ZKSCAN5: variants seen among roughly 807,000 people sequenced by gnomAD.
ZKSCAN5 encodes the protein zinc finger with KRAB and SCAN domains 5, also known as zinc finger protein with KRAB and SCAN domains 5.
ZKSCAN5 carries 28 observed loss-of-function variants against 60.0 expected under a neutral mutation model. That is an observed-to-expected ratio of 0.47 (90% CI 0.35 to 0.64). The LOEUF is 0.64. Among genes scored for constraint, ZKSCAN5 ranks in the 30% least tolerant of loss-of-function variants. The pLI, the probability that ZKSCAN5 is intolerant of heterozygous loss-of-function variation, is 0.01. For missense variants in ZKSCAN5, 881 were observed against 1,034.6 expected (o/e 0.85, Z 2.04); for synonymous variants, 361 against 371.2 (o/e 0.97, Z 0.31).
At chr7:99,525,487 ACG>A (rs1222061198) in intron 5 of ZKSCAN5, among the ~76,000 whole-genome samples, 2 of 151,812 alleles carry the variant, frequency 1.3e-5, no homozygotes, top group Admixed American at 6.6e-5. Context: ...ACACACATAC[ACG>A]CGCGCGCGCA....
chr7:99,532,451 T>A lies in ZKSCAN5; in HGVS notation c.*202T>A, dbSNP rs2151121385. On this transcript the variant is annotated 3_prime_UTR_variant, in exon 7 of 7. Coordinates refer to ENST00000326775, the MANE Select transcript of ZKSCAN5 (RefSeq NM_145102.4). Reference sequence around the variant, plus strand: ...TTCGTGTTCCCCATTGAGAAATGCTTTAGTTAGCATCTTCATGCTTGGAAA... The same window carrying A: ...TTCGTGTTCCCCATTGAGAAATGCTATAGTTAGCATCTTCATGCTTGGAAA... 2.2e-6 allele frequency: 1 copy of A among 449,900 alleles called. No homozygotes were observed. Among genetic ancestry groups the A allele is most frequent in the East Asian group, 3.4e-5 (1 of 29,230 alleles). 27.9% of individuals were successfully genotyped at this position (449,900 alleles called of 1,614,324 possible).
rs775324531 is a variant in ZKSCAN5, at chr7:99,520,285, T to C, written c.753T>C (p.Tyr251=). The part of the protein sequence containing the change: ...SLYRDDRKEN[Y]GSITSMGYES... ...ATAGGGATGACAGGAAGGAGAACTATGGGAGTATTACTTCCATGGGTAAGG... is the reference window on the plus strand; with the variant it reads ...ATAGGGATGACAGGAAGGAGAACTACGGGAGTATTACTTCCATGGGTAAGG... The change falls in exon 5 of 7, where the codon TAT becomes TAC. Residue 251 remains tyrosine, a synonymous_variant. Coordinates refer to ENST00000326775, the MANE Select transcript of ZKSCAN5 (RefSeq NM_145102.4). 6.2e-7 allele frequency: 1 copy of C among 1,613,624 alleles called. No homozygotes were observed. The highest frequency in any genetic ancestry group is 8.5e-7 in the Non-Finnish European group (1 of 1,179,904).
rs765235084 is a variant in ZKSCAN5, at chr7:99,533,119, G to A, written c.*870G>A. 25 of 415,984 alleles carry A rather than the reference G, an allele frequency of 6.0e-5. No individual in the cohort carries two copies. The East Asian group carries it at 6.8e-4, about 11-fold the overall frequency. The allele number at this position is 415,984 out of a possible 1,614,324, so 25.8% of individuals were successfully genotyped here. A position where few individuals can be genotyped will look rare whatever the true frequency, so the allele number is the denominator to read the frequency against. On this transcript the variant is annotated 3_prime_UTR_variant, in exon 7 of 7. Transcript: ENST00000326775. ...CCCATAGAAGGAGTTGGACCAAGGC[G>A]AATTACGAGTCCTGGTCCCAGCAGT...
chr7:99,534,295 C>T lies in ZKSCAN5; in HGVS notation c.*2046C>T, dbSNP rs2151123376. ...CAATCACAGCTCACTGCAGCCTTGACCTCCCGGGCTCAAGTGGTCTAGCCA... is the reference window on the plus strand; with the variant it reads ...CAATCACAGCTCACTGCAGCCTTGATCTCCCGGGCTCAAGTGGTCTAGCCA... On this transcript the variant is annotated 3_prime_UTR_variant, in exon 7 of 7. Transcript: ENST00000326775. 6.6e-6 allele frequency: 1 copy of T among 152,404 alleles called. No individual in the cohort carries two copies. Among genetic ancestry groups the T allele is most frequent in the African/African-American group, 2.4e-5 (1 of 41,560 alleles). 9.4% of individuals were successfully genotyped at this position (152,404 alleles called of 1,614,324 possible).
chr7:99,515,788 C>T lies in ZKSCAN5; in HGVS notation c.553+3197C>T, dbSNP rs181043753. 4.8e-3 allele frequency among the ~76,000 whole-genome samples: 700 copies of T among 147,334 alleles called. 6 individuals are homozygous for T. The highest frequency in any genetic ancestry group is 0.016 in the African/African-American group (643 of 39,774). On this transcript the variant is annotated intron_variant, in intron 3 of 6. Transcript: ENST00000326775. ...GATGGAGGTTGCAGTGAGCAGAGAT[C>T]GTACCACTGCACTCCAGCCTGGGCG... is the stretch of plus-strand genomic sequence containing the variant.
intron 3 of ZKSCAN5, 74 bp downstream of exon 3, chr7:99,512,665 G>A: frequency 6.5e-7 from 1 of 1,535,448 alleles, no homozygotes; most frequent in Non-Finnish European, 8.8e-7. Context: ...GGCACTATCT[G>A]CGGGAGAGAG....
intron 5 of ZKSCAN5, among the ~76,000 whole-genome samples, chr7:99,522,294 C>T (rs1801570125): frequency 6.6e-6 from 1 of 152,090 alleles, no homozygotes; most frequent in Non-Finnish European, 1.5e-5. Flanking sequence ...GTCTTGGAGG[C>T]AGCAGTTTCC....
chr7:99,507,416 T>C (rs541875001), intron 2 of ZKSCAN5, among the ~76,000 whole-genome samples: 159 of 151,866 alleles, frequency 1.0e-3, no homozygotes, highest in African/African-American at 3.6e-3. Flanking sequence ...TATGTGTGTA[T>C]GTAATATACA....
At chr7:99,525,612 AAC>A (rs1269779910) in intron 5 of ZKSCAN5, among the ~76,000 whole-genome samples, 199 bp from the exon 6 acceptor site, 2 of 151,898 alleles carry the variant, frequency 1.3e-5, no homozygotes, top group Non-Finnish European at 2.9e-5. Context: ...CCTTCCTCTG[AAC>A]ATTTTTTGCC....
chr7:99,531,430 T>A lies in ZKSCAN5; in HGVS notation c.1701T>A (p.His567Gln). Residue 567 changes from histidine (H) to glutamine (Q), a missense_variant, in exon 7 of 7, where the codon CAT (histidine) becomes CAA (glutamine). His to Gln is a conservative substitution (Grantham distance 24). Around this residue, in one of 5 missense-constraint regions of ZKSCAN5, gnomAD observed 490 missense variants for 554.5 expected, o/e 0.88. Coordinates refer to ENST00000326775, the MANE Select transcript of ZKSCAN5 (RefSeq NM_145102.4). ...TTCAGAGTGCACATCTTATTCAACATCAAAGAATACACACTGGGGAGAAAC... is the reference window on the plus strand; with the variant it reads ...TTCAGAGTGCACATCTTATTCAACAACAAAGAATACACACTGGGGAGAAAC... ...SFIQSAHLIQ[H>Q]QRIHTGEKPF... The A allele has an allele frequency of 6.2e-7, 1 of 1,614,088 alleles. No individual in the cohort carries two copies. The highest frequency in any genetic ancestry group is 8.5e-7 in the Non-Finnish European group (1 of 1,180,014).
chr7:99,521,921 T>C (rs1168123671), intron 5 of ZKSCAN5, among the ~76,000 whole-genome samples: 1 of 152,198 alleles, frequency 6.6e-6, no homozygotes, highest in African/African-American at 2.4e-5. Context: ...CTTGTTTATT[T>C]GAGCCTGTTA....
intron 5 of ZKSCAN5, 85 bp downstream of exon 5, chr7:99,520,389 A>G: frequency 6.9e-7 from 1 of 1,458,508 alleles, no homozygotes; most frequent in Non-Finnish European, 9.1e-7. Flanking sequence ...TTATAATGGC[A>G]TTTATGTTTT....
intron 4 of ZKSCAN5, 90 bp from the exon 5 acceptor site, chr7:99,520,079 C>T (rs1801458853): frequency 6.5e-6 from 10 of 1,550,160 alleles, no homozygotes; most frequent in South Asian, 1.2e-5. Context: ...AGTTCCTCCC[C>T]CTGTTTCTTT....
intron 2 of ZKSCAN5, 129 bp from the exon 3 acceptor site, chr7:99,512,324 T>C: frequency 1.7e-6 from 2 of 1,184,476 alleles, no homozygotes; most frequent in Non-Finnish European, 1.2e-6. Context: ...GCATAATCAG[T>C]GCGTGGCTCA....
intron 2 of ZKSCAN5, among the ~76,000 whole-genome samples, chr7:99,511,554 C>A (rs1449070689): frequency 6.6e-6 from 1 of 151,510 alleles, no homozygotes; most frequent in East Asian, 1.9e-4. Context: ...GCGATCCTCG[C>A]ACCTCAGCCT....
At position 99,520,163 on chromosome 7, in the gene ZKSCAN5, T is replaced by A. The variant is rs1397998995; in HGVS notation, c.637-6T>A. 13 of 1,612,240 alleles carry A rather than the reference T, an allele frequency of 8.1e-6. No homozygotes were observed. The highest frequency in any genetic ancestry group is 1.1e-5 in the Non-Finnish European group (13 of 1,179,456). ...ATGAGAATTTAGTGGAGATCTCCTG[T>A]TTCAGAAGTTGGTGAAAATTGAAGA... On this transcript the variant is annotated splice_region_variant and splice_polypyrimidine_tract_variant and intron_variant, in intron 4 of 6. Transcript: ENST00000326775.
At chr7:99,520,841 A>G (rs1801504858) in intron 5 of ZKSCAN5, among the ~76,000 whole-genome samples, 1 of 152,166 alleles carries the variant, frequency 6.6e-6, no homozygotes, top group Non-Finnish European at 1.5e-5. Context: ...CACTACTACA[A>G]ATACAAAAAT....
intron 2 of ZKSCAN5, among the ~76,000 whole-genome samples, chr7:99,509,527 C>T (rs1041551176): frequency 1.3e-5 from 2 of 149,952 alleles, no homozygotes; most frequent in African/African-American, 4.9e-5. Context: ...AGTGCAGTGG[C>T]GTGATCTCTG....
chr7:99,507,523 G>GTATA lies in ZKSCAN5; in HGVS notation c.414+1067_414+1070dup, dbSNP rs1351822202. Among the ~76,000 whole-genome samples the GTATA allele has an allele frequency of 4.6e-3, 615 of 133,554 alleles. 11 individuals carry two copies. Among genetic ancestry groups the GTATA allele is most frequent in the East Asian group, 0.02 (96 of 4,776 alleles). The allele number at this position is 133,554 out of a possible 152,430, so 87.6% of individuals were successfully genotyped here. On this transcript the variant is annotated intron_variant, in intron 2 of 6. Coordinates refer to ENST00000326775, the MANE Select transcript of ZKSCAN5 (RefSeq NM_145102.4). ...TGTGTATATATATGTGTGTATATAT[G>GTATA]TATATGTGTATATATATATGTATAT...
Sources: allele counts gnomAD v4.1 joint callset (sites outside exome capture counted in the v4.1 genomes callset), GRCh38; gene constraint gnomAD v4.1.1; regional missense constraint gnomAD v4.1.1; transcripts MANE v1.5; gene names NCBI Gene and HGNC (gene_info 2026-07-23, HGNC 2026-07-21).